Variants in ARFIP1 observed in about 807,000 individuals in gnomAD.
The protein encoded by ARFIP1 is arfaptin-1.
A neutral mutation model predicts 42.5 loss-of-function variants in ARFIP1; 24 were observed. The observed-to-expected ratio is 0.57, with a 90% confidence interval of 0.41 to 0.80. The LOEUF (loss-of-function observed/expected upper bound fraction) is 0.80, where lower values mean the gene tolerates loss of function less well. Among genes scored for constraint, ARFIP1 ranks in the 30% least tolerant of loss-of-function variants. The pLI, the probability that ARFIP1 is intolerant of heterozygous loss-of-function variation, is 0.00. For synonymous variants in ARFIP1, 141 were observed against 153.7 expected, an observed-to-expected ratio of 0.92 and a Z score of 0.61; for missense variants, 354 against 434.0, an observed-to-expected ratio of 0.82 and a Z score of 1.64.
Position 152,858,067 on chromosome 4 carries a change from G to A in ARFIP1, c.94-5539G>A, listed in dbSNP as rs535719664. 2.0e-5 allele frequency among the ~76,000 whole-genome samples: 3 copies of A among 152,282 alleles called. No homozygotes were observed. The East Asian group carries it at 5.8e-4, about 29-fold the overall frequency. On this transcript the variant is annotated intron_variant, in intron 2 of 8. Coordinates refer to ENST00000353617, the MANE Select transcript of ARFIP1 (RefSeq NM_001025595.3). ...GCCACTTTGGGAGGCTGAGACGGGC[G>A]AATCACTTGAGTTCATGAGTTTGAG...
At position 152,877,197 on chromosome 4, in the gene ARFIP1, C is replaced by T. The variant is rs145336680; in HGVS notation, c.412-3766C>T. ...AGCTTGCACCGTGTACGTGGAAAAG[C>T]CTCAGACATTCAACGCCAGCCCATG... On this transcript the variant is annotated intron_variant, in intron 5 of 8. Coordinates refer to ENST00000353617, the MANE Select transcript of ARFIP1 (RefSeq NM_001025595.3). 1.2e-3 allele frequency among the ~76,000 whole-genome samples: 182 copies of T among 152,252 alleles called. 2 individuals carry two copies. In the South Asian group the frequency reaches 0.024, roughly 20 times the overall value.
chr4:152,796,229 A>T, intron 1 of ARFIP1: 1 of 890,276 alleles, frequency 1.1e-6, no homozygotes, highest in Non-Finnish European at 1.9e-6. Context: ...ATACAGCGGG[A>T]ATGACGGATT....
chr4:152,819,635 A>G (rs370870397), intron 1 of ARFIP1, among the ~76,000 whole-genome samples: 2 of 152,282 alleles, frequency 1.3e-5, no homozygotes, highest in East Asian at 1.9e-4. Flanking sequence ...AGTGAGCCAC[A>G]TTAAGGGAGT....
In ARFIP1 at chr4:152,847,124, CTTTTT is replaced by C. The variant is rs771661005; in HGVS notation, c.94-16462_94-16458del. ...GTATGTTAATGTTTTTAGGTTTGTT[CTTTTT>C]TTTTTTTTTTTTTTTTTTTGAGACA... On this transcript the variant is annotated intron_variant, in intron 2 of 8. Coordinates refer to ENST00000353617, the MANE Select transcript of ARFIP1 (RefSeq NM_001025595.3). Among the ~76,000 whole-genome samples, 133 of 40,554 alleles carry C rather than the reference CTTTTT, an allele frequency of 3.3e-3. 1 individual carries two copies. Among genetic ancestry groups the C allele is most frequent in the East Asian group, 0.03 (42 of 1,410 alleles). 26.6% of individuals were successfully genotyped at this position (40,554 alleles called of 152,430 possible). A position where few individuals can be genotyped will look rare whatever the true frequency, so the allele number is the denominator to read the frequency against.
At chr4:152,901,924 C>A (rs1344726648) in intron 8 of ARFIP1, among the ~76,000 whole-genome samples, 4 of 152,196 alleles carry the variant, frequency 2.6e-5, no homozygotes, top group Non-Finnish European at 4.4e-5. Flanking sequence ...AAATTGGGAA[C>A]AAGGTTAAAG....
intron 1 of ARFIP1, among the ~76,000 whole-genome samples, chr4:152,804,186 ATATATAATATAACATGTATTATATATT>A (rs1728716495): frequency 1.7e-5 from 2 of 119,232 alleles, no homozygotes; most frequent in African/African-American, 6.9e-5. Flanking sequence ...ATTATATATT[ATATATAATATAACATGTATTATATATT>A]ATATATAATA....
chr4:152,828,140 T>C (rs1730981921), intron 1 of ARFIP1, among the ~76,000 whole-genome samples: 1 of 152,230 alleles, frequency 6.6e-6, no homozygotes, highest in Non-Finnish European at 1.5e-5. Flanking sequence ...AATTATAAAT[T>C]GTTATAAATA....
At chr4:152,800,685 A>G (rs1728339445) in intron 1 of ARFIP1, among the ~76,000 whole-genome samples, 1 of 152,182 alleles carries the variant, frequency 6.6e-6, no homozygotes, top group South Asian at 2.1e-4. Flanking sequence ...TATTTCTAAT[A>G]TTTAAGGAAA....
intron 5 of ARFIP1, among the ~76,000 whole-genome samples, chr4:152,878,283 A>G (rs1298283933): frequency 6.6e-6 from 1 of 152,232 alleles, no homozygotes; most frequent in African/African-American, 2.4e-5. Flanking sequence ...GAGGAAGGTT[A>G]AATAATTTAG....
At chr4:152,899,904 G>A (rs1371827269) in intron 8 of ARFIP1, among the ~76,000 whole-genome samples, 3 of 152,170 alleles carry the variant, frequency 2.0e-5, no homozygotes, top group Non-Finnish European at 4.4e-5. Flanking sequence ...GGGGTTCAGA[G>A]AGGTTGAGTA....
intron 2 of ARFIP1, among the ~76,000 whole-genome samples, chr4:152,833,813 G>A (rs1015410221): frequency 5.9e-5 from 9 of 152,222 alleles, no homozygotes; most frequent in African/African-American, 1.9e-4. Context: ...GTACTTACAT[G>A]TGGAATCTTA....
intron 1 of ARFIP1, among the ~76,000 whole-genome samples, chr4:152,788,621 C>T (rs151043019): frequency 1.8e-3 from 271 of 152,266 alleles, no homozygotes; most frequent in Non-Finnish European, 3.3e-3. Flanking sequence ...GCGGAGGTTG[C>T]AGTGAGCAGA....
intron 8 of ARFIP1, among the ~76,000 whole-genome samples, chr4:152,908,891 AGTGTG>A (rs1481366706): frequency 1.5e-5 from 2 of 132,464 alleles, no homozygotes; most frequent in African/African-American, 2.9e-5. Context: ...GCTAGAGAGA[AGTGTG>A]TGTGTGTGTG....
chr4:152,848,290 A>G (rs1487860507), intron 2 of ARFIP1, among the ~76,000 whole-genome samples: 1 of 152,188 alleles, frequency 6.6e-6, no homozygotes, highest in Non-Finnish European at 1.5e-5. Flanking sequence ...TTTGGCACTT[A>G]CTACCAAAGA....
chr4:152,876,281 C>T (rs955645189), intron 5 of ARFIP1, among the ~76,000 whole-genome samples: 1 of 152,164 alleles, frequency 6.6e-6, no homozygotes, highest in African/African-American at 2.4e-5. Context: ...TGGCTCTGCC[C>T]AAAATGCTAA....
At chr4:152,788,745 G>A (rs1452486759) in intron 1 of ARFIP1, among the ~76,000 whole-genome samples, 1 of 150,068 alleles carries the variant, frequency 6.7e-6, no homozygotes, top group Non-Finnish European at 1.5e-5. Context: ...ACCAATATTG[G>A]CACGTAATTA....
chr4:152,812,116 G>C (rs1729516675), intron 1 of ARFIP1, among the ~76,000 whole-genome samples: 3 of 152,178 alleles, frequency 2.0e-5, no homozygotes, highest in Non-Finnish European at 4.4e-5. Flanking sequence ...TTCCATTGCT[G>C]TAATTTTCTC....
At chr4:152,804,570 A>G (rs1170574391) in intron 1 of ARFIP1, among the ~76,000 whole-genome samples, 1 of 143,762 alleles carries the variant, frequency 7.0e-6, no homozygotes, top group Non-Finnish European at 1.5e-5. Context: ...GCAGTGTAAT[A>G]TAAAGATTAA....
At chr4:152,839,320 T>C (rs912962629) in intron 2 of ARFIP1, among the ~76,000 whole-genome samples, 2 of 152,214 alleles carry the variant, frequency 1.3e-5, no homozygotes, top group Non-Finnish European at 2.9e-5. Context: ...GGGTTCCTTC[T>C]TTCTCTCTCT....
Sources: gnomAD v4.1 joint callset for allele counts (sites outside exome capture counted in the v4.1 genomes callset) on GRCh38, gnomAD v4.1.1 for gene constraint, MANE v1.5 for transcripts, NCBI Gene and HGNC (gene_info 2026-07-23, HGNC 2026-07-21) for gene names.